TMTC2: variants seen among roughly 807,000 people sequenced by gnomAD.
TMTC2 encodes the protein transmembrane O-mannosyltransferase targeting cadherins 2, also known as protein O-mannosyl-transferase TMTC2.
Under a neutral mutation model 82.4 loss-of-function variants are expected in TMTC2, and 43 were observed. The observed-to-expected ratio is 0.52, with a 90% CI of 0.41 to 0.67. The LOEUF (loss-of-function observed/expected upper bound fraction) is 0.67, where lower values mean the gene tolerates loss of function less well. Among genes scored for constraint, TMTC2 ranks in the 30% least tolerant of loss-of-function variants. The pLI, the probability that TMTC2 is intolerant of heterozygous loss-of-function variation, is 0.00. For missense variants in TMTC2, 919 were observed against 1,012.4 expected (o/e 0.91, Z 1.25); for synonymous variants, 408 against 381.9 (o/e 1.07, Z -0.80).
intron 1 of TMTC2, among the ~76,000 whole-genome samples, chr12:82,735,704 C>T (rs554194602): frequency 3.3e-4 from 50 of 151,488 alleles, no homozygotes; most frequent in Non-Finnish European, 6.5e-4. Context: ...CGGTGGCTCA[C>T]GCCTGTAGTC....
chr12:83,133,365 G>A lies in TMTC2; in HGVS notation c.*976G>A, dbSNP rs1885325445. 1 of 152,198 alleles carries A rather than the reference G, an allele frequency of 6.6e-6. No homozygotes were observed. The highest frequency in any genetic ancestry group is 2.4e-5 in the African/African-American group (1 of 41,446). 9.4% of individuals were successfully genotyped at this position (152,198 alleles called of 1,614,324 possible). ...TCAGATGTTGCTGGTTTAGGAGTGTGTGATGATGCTTGCCAGTGATTTTGT... is the reference window on the plus strand; with the variant it reads ...TCAGATGTTGCTGGTTTAGGAGTGTATGATGATGCTTGCCAGTGATTTTGT... On this transcript the variant is annotated 3_prime_UTR_variant, in exon 12 of 12. Coordinates refer to ENST00000321196, the MANE Select transcript of TMTC2 (RefSeq NM_152588.3).
chr12:82,913,090 TATCTC>T (rs1241479758), intron 3 of TMTC2, among the ~76,000 whole-genome samples: 1 of 152,244 alleles, frequency 6.6e-6, no homozygotes, highest in African/African-American at 2.4e-5. Context: ...GCATTTTTCT[TATCTC>T]TAATCACAGT....
intron 1 of TMTC2, among the ~76,000 whole-genome samples, chr12:82,769,650 G>A (rs1161817840): frequency 2.0e-5 from 3 of 152,026 alleles, no homozygotes; most frequent in South Asian, 2.1e-4. Context: ...TTGCTCTGTC[G>A]CCCAGGCTGG....
At chr12:82,946,952 C>G (rs113137989) in intron 4 of TMTC2, among the ~76,000 whole-genome samples, 3,904 of 152,038 alleles carry the variant, frequency 0.026, 171 homozygotes, top group African/African-American at 0.089. Flanking sequence ...CAGTGTTAGC[C>G]AAGATGGTCT....
intron 8 of TMTC2, among the ~76,000 whole-genome samples, chr12:82,994,187 C>T (rs12816354): frequency 0.2 from 30,003 of 152,088 alleles, 3,142 homozygotes; most frequent in Non-Finnish European, 0.21. Context: ...ACAGGGGTCT[C>T]GCTGTATCGC....
intron 1 of TMTC2, among the ~76,000 whole-genome samples, chr12:82,731,442 A>G (rs1874805414): frequency 6.6e-6 from 1 of 152,220 alleles, no homozygotes; most frequent in South Asian, 2.1e-4. Flanking sequence ...TAGAAATAAC[A>G]TGCTGTCATG....
chr12:82,816,535 G>A (rs537359204), intron 1 of TMTC2, among the ~76,000 whole-genome samples: 4 of 152,124 alleles, frequency 2.6e-5, no homozygotes, highest in East Asian at 1.9e-4. Context: ...CCTTTGAGAC[G>A]TAGCATGAGT....
At chr12:83,056,470 T>A (rs1013429993) in intron 10 of TMTC2, among the ~76,000 whole-genome samples, 1 of 151,988 alleles carries the variant, frequency 6.6e-6, no homozygotes, top group African/African-American at 2.4e-5. Context: ...CAGAATATTA[T>A]GTAATCAATA....
chr12:82,936,060 TTA>T (rs1876300136), intron 4 of TMTC2, among the ~76,000 whole-genome samples: 1 of 151,992 alleles, frequency 6.6e-6, no homozygotes, highest in South Asian at 2.1e-4. Flanking sequence ...CTGAGAAAAG[TTA>T]TAACTGGATA....
At chr12:82,741,768 G>A (rs1276088820) in intron 1 of TMTC2, among the ~76,000 whole-genome samples, 1 of 152,184 alleles carries the variant, frequency 6.6e-6, no homozygotes, top group Non-Finnish European at 1.5e-5. Context: ...TTATCTTCCT[G>A]TCTGCTCTCC....
chr12:82,803,857 G>A (rs542858005), intron 1 of TMTC2, among the ~76,000 whole-genome samples: 1 of 152,000 alleles, frequency 6.6e-6, no homozygotes, highest in African/African-American at 2.4e-5. Context: ...TCTCTTCCAA[G>A]TGTATGGTCT....
At chr12:82,740,894 G>A (rs566213494) in intron 1 of TMTC2, among the ~76,000 whole-genome samples, 1 of 152,318 alleles carries the variant, frequency 6.6e-6, no homozygotes, top group South Asian at 2.1e-4. Context: ...TCAGGTTAGA[G>A]ACGCCAGAAA....
chr12:82,770,434 T>A lies in TMTC2; in HGVS notation c.83+82765T>A, dbSNP rs563923096. On this transcript the variant is annotated intron_variant, in intron 1 of 11. Transcript: ENST00000321196. Reference sequence around the variant, plus strand: ...TATAGTTCAGTAGGATTTTTCCATCTATTTAAAGGTTCAGTAACTTTCTTA... The same window carrying A: ...TATAGTTCAGTAGGATTTTTCCATCAATTTAAAGGTTCAGTAACTTTCTTA... 3.0e-4 allele frequency among the ~76,000 whole-genome samples: 46 copies of A among 152,236 alleles called. 1 individual carries two copies. Among genetic ancestry groups the A allele is most frequent in the African/African-American group, 1.1e-3 (45 of 41,508 alleles).
At chr12:83,032,696 C>T (rs1366427471) in intron 9 of TMTC2, among the ~76,000 whole-genome samples, 1 of 152,058 alleles carries the variant, frequency 6.6e-6, no homozygotes, top group African/African-American at 2.4e-5. Flanking sequence ...AGGCACCCAC[C>T]ACCATGCCCA....
intron 11 of TMTC2, among the ~76,000 whole-genome samples, chr12:83,062,206 A>G (rs1212965614): frequency 1.3e-5 from 2 of 151,652 alleles, no homozygotes; most frequent in African/African-American, 4.8e-5. Context: ...TTATTGTTTG[A>G]TTCTCATATA....
chr12:82,921,156 A>G (rs1875372936), intron 3 of TMTC2, among the ~76,000 whole-genome samples: 1 of 152,002 alleles, frequency 6.6e-6, no homozygotes, highest in African/African-American at 2.4e-5. Flanking sequence ...TATTTATGCT[A>G]TAGTCCCTAA....
chr12:82,876,867 T>C (rs1405310137), intron 2 of TMTC2, among the ~76,000 whole-genome samples: 1 of 152,188 alleles, frequency 6.6e-6, no homozygotes, highest in African/African-American at 2.4e-5. Context: ...AATGTCCACA[T>C]CTCATATCTA....
intron 4 of TMTC2, among the ~76,000 whole-genome samples, chr12:82,934,298 T>C (rs1039190074): frequency 3.9e-5 from 6 of 152,180 alleles, no homozygotes; most frequent in African/African-American, 1.4e-4. Flanking sequence ...GTTACATAGG[T>C]ATACACATGC....
At chr12:83,088,444 A>G (rs1313086169) in intron 11 of TMTC2, among the ~76,000 whole-genome samples, 1 of 152,204 alleles carries the variant, frequency 6.6e-6, no homozygotes, top group East Asian at 1.9e-4. Flanking sequence ...GCCTTTTGAT[A>G]GGCCTTCCTC....
Sources: gnomAD v4.1 joint callset for allele counts (sites outside exome capture counted in the v4.1 genomes callset) on GRCh38, gnomAD v4.1.1 for gene constraint, MANE v1.5 for transcripts, NCBI Gene and HGNC (gene_info 2026-07-23, HGNC 2026-07-21) for gene names.